EP300: variants seen among roughly 807,000 people sequenced by gnomAD.
The protein encoded by EP300 is EP300 lysine acetyltransferase, also known as histone acetyltransferase p300.
Under a neutral mutation model 264.0 loss-of-function variants are expected in EP300, and 31 were observed. The observed-to-expected ratio is 0.12, with a 90% CI of 0.09 to 0.16. The LOEUF (loss-of-function observed/expected upper bound fraction) is 0.16, where lower values mean the gene tolerates loss of function less well. Ranked by LOEUF, EP300 falls within the 10% of genes least tolerant of loss-of-function variation. The pLI, the probability that EP300 is intolerant of heterozygous loss-of-function variation, is 1.00. For synonymous variants in EP300, 1,340 were observed against 1,045.4 expected (o/e 1.28, Z -5.44); for missense variants, 2,766 against 3,052.9 (o/e 0.91, Z 2.21).
At position 41,092,680 on chromosome 22, in the gene EP300, G is replaced by T; in HGVS notation, c.-325G>T. On this transcript the variant is annotated 5_prime_UTR_variant, in exon 1 of 31. Coordinates refer to ENST00000263253, the MANE Select transcript of EP300 (RefSeq NM_001429.4). ...CTCGGCTGGGCAGGGGCCGGCCGTG[G>T]CGGGCCGGGGACTGCGCCTCTAGAG... 2 of 619,468 alleles carry T rather than the reference G, an allele frequency of 3.2e-6. No homozygotes were observed. Among genetic ancestry groups the T allele is most frequent in the Non-Finnish European group, 5.8e-6 (2 of 343,200 alleles). 38.4% of individuals were successfully genotyped at this position (619,468 alleles called of 1,614,324 possible).
Position 41,117,465 on chromosome 22 carries a change from C to T in EP300, c.373C>T (p.Pro125Ser). ...LGLINSMVKS[P>S]MTQAGLTSPN... ...TTTGATAAATAGCATGGTCAAAAGC[C>T]CAATGACACAGGCAGGCTTGACTTC... The change falls in exon 2 of 31, where the codon CCA (proline) becomes TCA (serine). Residue 125 changes from proline to serine, a missense_variant. Transcript: ENST00000263253. The T allele has an allele frequency of 6.2e-7, 1 of 1,613,816 alleles. No individual in the cohort carries two copies. Among genetic ancestry groups the T allele is most frequent in the East Asian group, 2.2e-5 (1 of 44,876 alleles).
Position 41,131,471 on chromosome 22 carries a change from G to C in EP300, c.1366G>C (p.Val456Leu). The C allele has an allele frequency of 6.2e-7, 1 of 1,614,066 alleles. No homozygotes were observed. The highest frequency in any genetic ancestry group is 1.1e-5 in the South Asian group (1 of 91,082). ...GQQSAPNLST[V>L]SQIDPSSIER... ...ACAGTCTGCCCCCAACCTAAGCACT[G>C]TTAGTCAGATTGATCCCAGCTCCAT... The change falls in exon 6 of 31, where the codon GTT becomes CTT. Residue 456 changes from valine (V) to leucine (L), a missense_variant. By Grantham distance (32) the Val-to-Leu change is conservative. Transcript: ENST00000263253.
At chr22:41,154,581 G>GT (rs1218060762) in intron 16 of EP300, among the ~76,000 whole-genome samples, 1 of 151,822 alleles carries the variant, frequency 6.6e-6, no homozygotes, top group African/African-American at 2.4e-5. Context: ...GTTTCACCAT[G>GT]TTGGCCAGGC....
intron 2 of EP300, among the ~76,000 whole-genome samples, chr22:41,122,745 A>G (rs1318084515): frequency 6.6e-6 from 1 of 152,044 alleles, no homozygotes; most frequent in Non-Finnish European, 1.5e-5. Flanking sequence ...GAGTATAGAT[A>G]TTGCATATGA....
chr22:41,148,973 T>C (rs2145735527), intron 12 of EP300, 65 bp from the exon 13 acceptor site: 1 of 1,608,862 alleles, frequency 6.2e-7, no homozygotes, highest in Non-Finnish European at 8.5e-7. Flanking sequence ...CATTTGATGA[T>C]TTTAGTTATA....
chr22:41,116,228 T>A (rs2058820930), intron 1 of EP300, among the ~76,000 whole-genome samples: 2 of 152,176 alleles, frequency 1.3e-5, no homozygotes, highest in African/African-American at 2.4e-5. Flanking sequence ...TTTCTTTTTT[T>A]AATTATCCTT....
intron 4 of EP300, among the ~76,000 whole-genome samples, chr22:41,129,423 C>T (rs1231283554): frequency 1.3e-5 from 2 of 152,184 alleles, no homozygotes; most frequent in Non-Finnish European, 2.9e-5. Flanking sequence ...TTTGCCCTAG[C>T]ATAGCATACT....
At chr22:41,133,922 T>G (rs1347388198) in intron 6 of EP300, among the ~76,000 whole-genome samples, 1 of 152,178 alleles carries the variant, frequency 6.6e-6, no homozygotes, top group Non-Finnish European at 1.5e-5. Context: ...TGCAAACATT[T>G]TTAGACCCAT....
At chr22:41,109,890 C>T (rs1239697092) in intron 1 of EP300, among the ~76,000 whole-genome samples, 7 of 150,090 alleles carry the variant, frequency 4.7e-5, no homozygotes, top group South Asian at 2.1e-4. Context: ...CTCAGCTAAA[C>T]GGAACTTCTG....
intron 1 of EP300, among the ~76,000 whole-genome samples, chr22:41,108,387 T>C (rs548291013): frequency 2.0e-5 from 3 of 151,934 alleles, no homozygotes; most frequent in Admixed American, 6.6e-5. Context: ...TAGCTGGGAC[T>C]ACAGATGTGC....
intron 22 of EP300, among the ~76,000 whole-genome samples, chr22:41,165,584 C>T (rs778132521): frequency 2.0e-5 from 3 of 151,520 alleles, no homozygotes; most frequent in Non-Finnish European, 2.9e-5. Context: ...CCACCATGCC[C>T]GGCTAATTTT....
Position 41,178,723 on chromosome 22 carries a change from C to T in EP300, c.7012C>T (p.His2338Tyr), listed in dbSNP as rs2145523415. 2 of 1,614,172 alleles carry T rather than the reference C, an allele frequency of 1.2e-6. No homozygotes were observed. Among genetic ancestry groups the T allele is most frequent in the African/African-American group, 1.3e-5 (1 of 75,024 alleles). Residue 2338 changes from histidine (H) to tyrosine (Y), a missense_variant, in exon 31 of 31, where the codon CAC (histidine) becomes TAC (tyrosine). Transcript: ENST00000263253. ...AAGGATGCAGCCTCAGCCTTCTCCACACCACGTTTCCCCACAGACAAGTTC... is the reference window on the plus strand; with the variant it reads ...AAGGATGCAGCCTCAGCCTTCTCCATACCACGTTTCCCCACAGACAAGTTC... ...SPRMQPQPSP[H>Y]HVSPQTSSPH...
chr22:41,164,178 A>C, intron 22 of EP300, 48 bp downstream of exon 22: 1 of 1,536,096 alleles, frequency 6.5e-7, no homozygotes, highest in Non-Finnish European at 9.0e-7. Context: ...TTTATCGTGA[A>C]TATTAACAAG....
At chr22:41,155,225 T>C in intron 17 of EP300, 112 bp downstream of exon 17, 1 of 961,892 alleles carries the variant, frequency 1.0e-6, no homozygotes. Flanking sequence ...TGTAATTCAG[T>C]GATTTTTTTT....
Position 41,164,139 on chromosome 22 carries a change from T to C in EP300, c.3806+9T>C, listed in dbSNP as rs760316215. On this transcript the variant is annotated intron_variant, in intron 22 of 30. Coordinates refer to ENST00000263253, the MANE Select transcript of EP300 (RefSeq NM_001429.4). The stretch of plus-strand genomic sequence containing the variant: ...ATCATCTGGCCTGCTGGGTAAGTCT[T>C]AACGTTGTTACTTTCTCTGGAATTT... 2 of 1,613,256 alleles carry C rather than the reference T, an allele frequency of 1.2e-6. No homozygotes were observed. Among genetic ancestry groups the C allele is most frequent in the South Asian group, 1.1e-5 (1 of 91,058 alleles).
At position 41,146,761 on chromosome 22, in the gene EP300, TATG is replaced by T. The variant is rs765358761; in HGVS notation, c.2079_2081del (p.Met693del). 2 of 1,614,194 alleles carry T rather than the reference TATG, an allele frequency of 1.2e-6. No individual in the cohort carries two copies. Among genetic ancestry groups the T allele is most frequent in the Non-Finnish European group, 8.5e-7 (1 of 1,180,010 alleles). On this transcript the variant is annotated inframe_deletion, in exon 11 of 31. Transcript: ENST00000263253. ...TAGATGGCCCTCTACCTGACCCAAG[TATG>T]ATCCGTGGCAGTGTGCCAAACCAGA...
At position 41,117,626 on chromosome 22, in the gene EP300, G is replaced by A. The variant is rs1569090558; in HGVS notation, c.534G>A (p.Leu178=). 6.2e-7 allele frequency: 1 copy of A among 1,614,222 alleles called. No homozygotes were observed. The highest frequency in any genetic ancestry group is 2.2e-5 in the East Asian group (1 of 44,894). ...ATGCGGGCATGAATCCTGGAATGTT[G>A]GCTGCAGGCAATGGACAAGGGATAA... is the stretch of plus-strand genomic sequence containing the variant. ...GMNAGMNPGM[L]AAGNGQGIMP... Residue 178 remains leucine, a synonymous_variant, in exon 2 of 31, where the codon TTG becomes TTA. Coordinates refer to ENST00000263253, the MANE Select transcript of EP300 (RefSeq NM_001429.4).
rs991305995 is a variant in EP300 at position 41,117,571 on chromosome 22, A to G, written c.479A>G (p.Gln160Arg). 1 of 1,614,262 alleles carries G rather than the reference A, an allele frequency of 6.2e-7. No individual in the cohort carries two copies. Among genetic ancestry groups the G allele is most frequent in the Non-Finnish European group, 8.5e-7 (1 of 1,180,046 alleles). The change falls in exon 2 of 31, where the codon CAG becomes CGG. Residue 160 changes from glutamine to arginine, a missense_variant. Transcript: ENST00000263253. ...STGMMNSPVN[Q>R]PAMGMNTGMN... ...GGTATGATGAACAGTCCAGTAAATC[A>G]GCCTGCCATGGGAATGAACACAGGG...
intron 17 of EP300, 42 bp downstream of exon 17, chr22:41,155,155 A>T (rs1188478313): frequency 2.3e-6 from 3 of 1,329,024 alleles, no homozygotes; most frequent in Non-Finnish European, 3.3e-6. Flanking sequence ...TTTTAATTTG[A>T]TAACAGCTTT....
Sources: gnomAD v4.1 joint callset for allele counts (sites outside exome capture counted in the v4.1 genomes callset) on GRCh38, gnomAD v4.1.1 for gene constraint, MANE v1.5 for transcripts, NCBI Gene and HGNC (gene_info 2026-07-23, HGNC 2026-07-21) for gene names.